CHD1L: variants seen among roughly 807,000 people sequenced by gnomAD.
CHD1L encodes chromodomain helicase DNA binding protein 1 like.
In CHD1L, 118 loss-of-function variants were observed where a neutral mutation model predicts 115.9. The observed-to-expected ratio is 1.02, with a 90% CI of 0.88 to 1.19. The LOEUF (loss-of-function observed/expected upper bound fraction) is 1.19. Among genes scored for constraint, CHD1L ranks in the 50% most tolerant of loss-of-function variants. The pLI is 0.00. For missense variants in CHD1L, 1,179 were observed against 1,065.3 expected (o/e 1.11, Z -1.49); for synonymous variants, 411 against 387.1 (o/e 1.06, Z -0.72).
chr1:147,226,743 C>T, the CHD1L span, among the ~76,000 whole-genome samples: 1 of 152,162 alleles, frequency 6.6e-6, no homozygotes, highest in African/African-American at 2.4e-5. Context: ...TCATGAGAGG[C>T]AACTGATATT....
chr1:147,201,355 A>G, the CHD1L span: 54 of 1,614,102 alleles, frequency 3.3e-5, no homozygotes, highest in Non-Finnish European at 4.3e-5. Flanking sequence ...TGTGGCAAAG[A>G]TAACAGCATC....
At chr1:147,225,307 A>C in the CHD1L span, 1 of 584,966 alleles carries the variant, frequency 1.7e-6, no homozygotes. Context: ...GAAGCGCTCA[A>C]CAGATCCTTC....
At chr1:147,267,552 T>G in intron 9 of CHD1L, 34 bp downstream of exon 9, 1 of 1,524,094 alleles carries the variant, frequency 6.6e-7, no homozygotes, top group Non-Finnish European at 9.0e-7. Flanking sequence ...ACATTATTCT[T>G]TGGTAATGTT....
chr1:147,267,074 G>A (rs1416823651), intron 8 of CHD1L, among the ~76,000 whole-genome samples: 1 of 152,150 alleles, frequency 6.6e-6, no homozygotes, highest in Non-Finnish European at 1.5e-5. Flanking sequence ...TTCACTGGGA[G>A]GAATTGGAAG....
intron 14 of CHD1L, 91 bp from the exon 15 acceptor site, chr1:147,279,935 C>A: frequency 7.6e-7 from 1 of 1,315,616 alleles, no homozygotes; most frequent in East Asian, 2.4e-5. Context: ...AGGACTGTGC[C>A]TGGTGTCGTT....
the CHD1L span, chr1:147,225,339 C>G: frequency 5.7e-6 from 2 of 349,344 alleles, no homozygotes; most frequent in Non-Finnish European, 1.0e-5. Context: ...GGAGGAGACT[C>G]AACAGGCGGC....
At chr1:147,274,438 A>C (rs1326461342) in intron 12 of CHD1L, among the ~76,000 whole-genome samples, 1 of 152,160 alleles carries the variant, frequency 6.6e-6, no homozygotes, top group Non-Finnish European at 1.5e-5. Context: ...ATTTGTCTGG[A>C]GATCCAGCTT....
intron 5 of CHD1L, among the ~76,000 whole-genome samples, chr1:147,256,769 A>T (rs1278548922): frequency 6.6e-5 from 10 of 152,168 alleles, no homozygotes; most frequent in African/African-American, 2.4e-4. Flanking sequence ...TTTAATCTCC[A>T]TGAACTTCAG....
At chr1:147,255,007 G>GT (rs1301198072) in intron 3 of CHD1L, 31 bp downstream of exon 3, 1 of 1,472,530 alleles carries the variant, frequency 6.8e-7, no homozygotes, top group Non-Finnish European at 9.2e-7. Context: ...AAATTTTATT[G>GT]TTTATCTTGA....
In CHD1L at chr1:147,293,933, C is replaced by T. The variant is rs13375602; in HGVS notation, c.2506+211C>T. Among the ~76,000 whole-genome samples, 7,417 of 152,068 alleles carry T rather than the reference C, an allele frequency of 0.049. 412 individuals carry two copies. The highest frequency in any genetic ancestry group is 0.17 in the East Asian group (863 of 5,156). ...ACCGGTTATCTCTGTAGGCCGTCTCCATCCCCCGGGTATTTTTATCGTGAT... is the reference window on the plus strand; with the variant it reads ...ACCGGTTATCTCTGTAGGCCGTCTCTATCCCCCGGGTATTTTTATCGTGAT... On this transcript the variant is annotated intron_variant, in intron 21 of 22. Coordinates refer to ENST00000369258, the MANE Select transcript of CHD1L (RefSeq NM_004284.6).
intron 14 of CHD1L, among the ~76,000 whole-genome samples, chr1:147,278,929 C>T (rs1369456712): frequency 1.3e-5 from 2 of 152,116 alleles, no homozygotes; most frequent in African/African-American, 4.8e-5. Flanking sequence ...TTCTTAATGA[C>T]TAAGACACAT....
At chr1:147,187,234 C>G in the CHD1L span, 1 of 1,604,256 alleles carries the variant, frequency 6.2e-7, no homozygotes. Flanking sequence ...ATGGCGTTGG[C>G]TCTCCACATA....
At chr1:147,174,188 C>T in the CHD1L span, among the ~76,000 whole-genome samples, 5,611 of 152,164 alleles carry the variant, frequency 0.037, 148 homozygotes, top group South Asian at 0.095. Flanking sequence ...AAAAAAGGTA[C>T]GATTTTACTG....
In CHD1L at chr1:147,281,087, A is replaced by G. The variant is rs150971885; in HGVS notation, c.1705+896A>G. ...TCGCTCGCTTTCTCTCTGTGCCACAAACTTGTCAAAGGATGTCTTCCCACT... is the reference window on the plus strand; with the variant it reads ...TCGCTCGCTTTCTCTCTGTGCCACAGACTTGTCAAAGGATGTCTTCCCACT... On this transcript the variant is annotated intron_variant, in intron 15 of 22. Coordinates refer to ENST00000369258, the MANE Select transcript of CHD1L (RefSeq NM_004284.6). Among the ~76,000 whole-genome samples the G allele has an allele frequency of 1.8e-4, 28 of 152,208 alleles. No homozygotes were observed. In the East Asian group the frequency reaches 5.2e-3, roughly 28 times the overall value.
chr1:147,199,501 A>G, the CHD1L span, among the ~76,000 whole-genome samples: 1 of 152,208 alleles, frequency 6.6e-6, no homozygotes, highest in Non-Finnish European at 1.5e-5. Context: ...CTAAGATCCC[A>G]TAATCTCATA....
At chr1:147,194,364 A>C in the CHD1L span, among the ~76,000 whole-genome samples, 1 of 151,918 alleles carries the variant, frequency 6.6e-6, no homozygotes, top group Non-Finnish European at 1.5e-5. Context: ...TGCTTGGTAG[A>C]TCTTCCTCCA....
the CHD1L span, among the ~76,000 whole-genome samples, chr1:147,219,135 A>C: frequency 6.4e-4 from 97 of 152,298 alleles, 1 homozygote; most frequent in African/African-American, 2.2e-3. Flanking sequence ...GACACCAAAA[A>C]CTATGATTTT....
chr1:147,199,032 G>A, the CHD1L span, among the ~76,000 whole-genome samples: 2 of 152,046 alleles, frequency 1.3e-5, no homozygotes, highest in African/African-American at 4.8e-5. Flanking sequence ...TAAAACACTT[G>A]CAAGGGCTGC....
chr1:147,184,518 C>T, the CHD1L span: 48,917 of 1,546,750 alleles, frequency 0.032, 1,113 homozygotes, highest in South Asian at 0.09. The surrounding 1 kb of genome is among the most constrained non-coding windows in gnomAD (Gnocchi z 4.4). Context: ...CCCTTTATTC[C>T]GGGACAATTT....
Sources: allele counts gnomAD v4.1 joint callset (sites outside exome capture counted in the v4.1 genomes callset), GRCh38; gene constraint gnomAD v4.1.1; non-coding constraint Gnocchi (gnomAD v3.1); transcripts MANE v1.5; gene names NCBI Gene and HGNC (gene_info 2026-07-23, HGNC 2026-07-21).